The following HIVEP2 variants were observed in gnomAD, a reference collection of about 807,000 sequenced individuals.
HIVEP2 encodes the protein transcription factor HIVEP2.
In HIVEP2, 14 loss-of-function variants were observed where a neutral mutation model predicts 180.7. The observed-to-expected ratio is 0.08, with a 90% CI of 0.05 to 0.12. The LOEUF (loss-of-function observed/expected upper bound fraction) is 0.12. Among genes scored for constraint, HIVEP2 ranks in the 10% least tolerant of loss-of-function variants. The probability of loss-of-function intolerance (pLI) is 1.00; values close to 1 mark genes in which losing one functional copy is unlikely to be tolerated. For synonymous variants in HIVEP2, 1,184 were observed against 1,136.4 expected, an observed-to-expected ratio of 1.04 and a Z score of -0.84; for missense variants, 2,579 against 3,008.5, an observed-to-expected ratio of 0.86 and a Z score of 3.34.
At chr6:142,802,451 G>A (rs1051954014) in intron 2 of HIVEP2, among the ~76,000 whole-genome samples, 2 of 151,802 alleles carry the variant, frequency 1.3e-5, no homozygotes, top group African/African-American at 2.4e-5. Flanking sequence ...CCTCATACTC[G>A]AAATTTAAAG....
chr6:142,862,981 TATA>T (rs914017542), intron 1 of HIVEP2, among the ~76,000 whole-genome samples: 7 of 138,898 alleles, frequency 5.0e-5, no homozygotes, highest in Admixed American at 1.5e-4. Flanking sequence ...ATATGTAATA[TATA>T]ATATGATATA....
At chr6:142,912,497 C>A (rs1057305507) in intron 1 of HIVEP2, among the ~76,000 whole-genome samples, 1 of 152,224 alleles carries the variant, frequency 6.6e-6, no homozygotes, top group African/African-American at 2.4e-5. Context: ...GCACATCCAT[C>A]TCCTCTACAG....
At chr6:142,815,538 A>T (rs1217103745) in intron 2 of HIVEP2, among the ~76,000 whole-genome samples, 3 of 152,214 alleles carry the variant, frequency 2.0e-5, no homozygotes, top group Non-Finnish European at 2.9e-5. Flanking sequence ...ACCAGATTCC[A>T]TTAAAACAAA....
chr6:142,833,367 A>G (rs1042912538), intron 2 of HIVEP2, among the ~76,000 whole-genome samples: 6 of 152,218 alleles, frequency 3.9e-5, no homozygotes, highest in Admixed American at 2.6e-4. Context: ...ACTAAGATTC[A>G]CTGTGTAGGT....
chr6:142,874,097 C>T lies in HIVEP2; in HGVS notation c.-640-37050G>A, dbSNP rs965800450. On this transcript the variant is annotated intron_variant, in intron 1 of 9. Coordinates refer to ENST00000367603, the MANE Select transcript of HIVEP2 (RefSeq NM_006734.4). Reference sequence around the variant, plus strand: ...GAAGAGGATATTCAAAACGTGTAGGCGGGATATTTTCACAGAGCTTCTCTA... The same window carrying T: ...GAAGAGGATATTCAAAACGTGTAGGTGGGATATTTTCACAGAGCTTCTCTA... Among the ~76,000 whole-genome samples, 8 of 152,212 alleles carry T rather than the reference C, an allele frequency of 5.3e-5. No individual in the cohort carries two copies. The East Asian group carries it at 7.7e-4, about 15-fold the overall frequency.
At chr6:142,793,633 T>C (rs502977) in intron 2 of HIVEP2, among the ~76,000 whole-genome samples, 10,963 of 37,950 alleles carry the variant, frequency 0.29, 1,056 homozygotes, top group East Asian at 0.44. Flanking sequence ...TCTTTCTTTC[T>C]TTCTTTCTTT....
At chr6:142,826,913 G>A (rs141130116) in intron 2 of HIVEP2, among the ~76,000 whole-genome samples, 2 of 152,306 alleles carry the variant, frequency 1.3e-5, no homozygotes, top group Non-Finnish European at 2.9e-5. Context: ...TCTGTCAGCT[G>A]CCGGCCTGGG....
chr6:142,760,958 T>A (rs988680817), intron 8 of HIVEP2, among the ~76,000 whole-genome samples: 1 of 152,204 alleles, frequency 6.6e-6, no homozygotes, highest in African/African-American at 2.4e-5. Context: ...TGAGCATGGA[T>A]AATGTTAATT....
At chr6:142,926,520 C>T (rs536607271) in intron 1 of HIVEP2, among the ~76,000 whole-genome samples, 2 of 152,318 alleles carry the variant, frequency 1.3e-5, no homozygotes, top group East Asian at 1.9e-4. Flanking sequence ...AAAGAAAGAG[C>T]GTATATTCTA....
chr6:142,754,011 C>T lies in HIVEP2; in HGVS notation c.6517-80G>A, dbSNP rs1158384039. ...TAGGTCAAGCTGTTGGATTCATTCA[C>T]TCACCCATTCACACATTCACTACCT... On this transcript the variant is annotated intron_variant, in intron 9 of 9. Transcript: ENST00000367603. 7 of 713,720 alleles carry T rather than the reference C, an allele frequency of 9.8e-6. No individual in the cohort carries two copies. The Admixed American group carries it at 1.1e-4, about 11-fold the overall frequency. The allele number at this position is 713,720 out of a possible 1,614,324, so 44.2% of individuals were successfully genotyped here. A position where few individuals can be genotyped will look rare whatever the true frequency, so the allele number is the denominator to read the frequency against.
intron 2 of HIVEP2, among the ~76,000 whole-genome samples, chr6:142,790,679 A>T (rs1406681627): frequency 1.3e-5 from 2 of 152,244 alleles, no homozygotes; most frequent in Non-Finnish European, 2.9e-5. Context: ...GCATAAAGAA[A>T]GGCCGCAGTT....
At chr6:142,899,330 A>T (rs1367143755) in intron 1 of HIVEP2, among the ~76,000 whole-genome samples, 2 of 152,210 alleles carry the variant, frequency 1.3e-5, no homozygotes, top group African/African-American at 2.4e-5. Context: ...TCCTCTGTCA[A>T]GCCTCTCAAG....
rs561589205 is a variant in HIVEP2 at position 142,822,175 on chromosome 6, C to T, written c.-528+14760G>A. On this transcript the variant is annotated intron_variant, in intron 2 of 9. Transcript: ENST00000367603. Reference sequence around the variant, plus strand: ...TAATCTGCAGTAAAACACAGGATTTCGTCTACATCAGACCTTTTGAGTCTT... The same window carrying T: ...TAATCTGCAGTAAAACACAGGATTTTGTCTACATCAGACCTTTTGAGTCTT... 7.2e-4 allele frequency among the ~76,000 whole-genome samples: 109 copies of T among 152,176 alleles called. 1 individual carries two copies. Among genetic ancestry groups the T allele is most frequent in the Non-Finnish European group, 2.6e-4 (18 of 68,034 alleles).
At chr6:142,925,945 C>G (rs1000812576) in intron 1 of HIVEP2, among the ~76,000 whole-genome samples, 3 of 152,176 alleles carry the variant, frequency 2.0e-5, no homozygotes, top group African/African-American at 7.2e-5. Context: ...TCTACCATTA[C>G]AAAGCCTATT....
intron 1 of HIVEP2, among the ~76,000 whole-genome samples, chr6:142,848,797 G>A (rs1259952477): frequency 6.6e-6 from 1 of 151,826 alleles, no homozygotes. Context: ...AGCTGGAAAA[G>A]TCACCCAAAT....
At chr6:142,815,590 G>C (rs540661233) in intron 2 of HIVEP2, among the ~76,000 whole-genome samples, 1 of 152,236 alleles carries the variant, frequency 6.6e-6, no homozygotes, top group South Asian at 2.1e-4. Flanking sequence ...TAATCTTTAT[G>C]AATTTCAAGC....
chr6:142,753,075 A>G lies in HIVEP2; in HGVS notation c.*32T>C, dbSNP rs759399994. Reference sequence around the variant, plus strand: ...AAAACAAAAACAAAAAAATGGGAAAATGTGGAAATGAAAGTCTCCATGCAT... The same window carrying G: ...AAAACAAAAACAAAAAAATGGGAAAGTGTGGAAATGAAAGTCTCCATGCAT... On this transcript the variant is annotated 3_prime_UTR_variant, in exon 10 of 10. Coordinates refer to ENST00000367603, the MANE Select transcript of HIVEP2 (RefSeq NM_006734.4). 1.5e-6 allele frequency: 2 copies of G among 1,330,240 alleles called. No homozygotes were observed. The highest frequency in any genetic ancestry group is 2.4e-5 in the South Asian group (2 of 84,594). 82.4% of individuals were successfully genotyped at this position (1,330,240 alleles called of 1,614,324 possible).
chr6:142,910,388 G>A (rs572211865), intron 1 of HIVEP2, among the ~76,000 whole-genome samples: 91 of 152,240 alleles, frequency 6.0e-4, no homozygotes, highest in African/African-American at 2.1e-3. Flanking sequence ...AGATCACGAG[G>A]TCAAGAGATT....
chr6:142,762,872 C>G (rs1775284785), intron 7 of HIVEP2, among the ~76,000 whole-genome samples: 1 of 152,108 alleles, frequency 6.6e-6, no homozygotes, highest in Non-Finnish European at 1.5e-5. Flanking sequence ...TTCCAGGCCC[C>G]CACTCCTCCT....
Sources: gnomAD v4.1 joint callset for allele counts (sites outside exome capture counted in the v4.1 genomes callset) on GRCh38, gnomAD v4.1.1 for gene constraint, MANE v1.5 for transcripts, NCBI Gene and HGNC (gene_info 2026-07-23, HGNC 2026-07-21) for gene names.